Variants in VPS13C observed in about 807,000 individuals in gnomAD.
VPS13C encodes the protein intermembrane lipid transfer protein VPS13C.
VPS13C carries 358 observed loss-of-function variants against 456.8 expected under a neutral mutation model. The observed-to-expected ratio is 0.78, with a 90% CI of 0.72 to 0.86. VPS13C has a LOEUF of 0.86. Ranked by LOEUF, VPS13C falls within the 40% of genes least tolerant of loss-of-function variation. VPS13C has a pLI of 0.00. For synonymous variants in VPS13C, 1,578 were observed against 1,486.7 expected, an observed-to-expected ratio of 1.06 and a Z score of -1.41; for missense variants, 4,818 against 4,385.4, an observed-to-expected ratio of 1.10 and a Z score of -2.79.
intron 67 of VPS13C, among the ~76,000 whole-genome samples, chr15:61,886,722 C>G (rs199769822): frequency 6.6e-6 from 1 of 152,056 alleles, no homozygotes; most frequent in African/African-American, 2.4e-5. Context: ...TTAGAGAATA[C>G]TAAAATCTAT....
At chr15:61,963,605 A>G (rs978863339) in intron 32 of VPS13C, among the ~76,000 whole-genome samples, 1 of 152,094 alleles carries the variant, frequency 6.6e-6, no homozygotes, top group African/African-American at 2.4e-5. Flanking sequence ...CACTTCCTAG[A>G]TAACTCTCAG....
Position 61,961,784 on chromosome 15 carries a change from C to A in VPS13C, c.3713G>T (p.Arg1238Leu). 1.9e-6 allele frequency: 3 copies of A among 1,613,984 alleles called. No homozygotes were observed. Among genetic ancestry groups the A allele is most frequent in the African/African-American group, 1.3e-5 (1 of 74,998 alleles). The change falls in exon 35 of 85, where the codon CGT (arginine) becomes CTT (leucine). Residue 1238 changes from arginine (R) to leucine (L), a missense_variant. By Grantham distance (102) the Arg-to-Leu change is moderately radical (BLOSUM62 -2). Coordinates refer to ENST00000644861, the MANE Select transcript of VPS13C (RefSeq NM_020821.3). The part of the protein sequence containing the change: ...SVKDLAQRSF[R>L]VSINIDLKAP... Reference sequence around the variant, plus strand: ...TTTCAAATCAATATTGATGGAAACACGAAAACTCCTCTGGGCAAGATCTTT... The same window carrying A: ...TTTCAAATCAATATTGATGGAAACAAGAAAACTCCTCTGGGCAAGATCTTT...
At position 62,013,106 on chromosome 15, in the gene VPS13C, T is replaced by C; in HGVS notation, c.758A>G (p.Asp253Gly). 1 of 1,608,072 alleles carries C rather than the reference T, an allele frequency of 6.2e-7. No homozygotes were observed. Among genetic ancestry groups the C allele is most frequent in the Non-Finnish European group, 8.5e-7 (1 of 1,177,008 alleles). ...DKIIYKLIRL[D>G]SLSAYWNVNC... ...TACATTCCAGTAGGCGCTAAGACTA[T>C]CAAGTCGTATAAGCTATAAGAGAAA... The change falls in exon 11 of 85, where the codon GAT (aspartate) becomes GGT (glycine). Residue 253 changes from aspartate to glycine, a missense_variant. Asp to Gly is a moderately conservative substitution (Grantham distance 94). This residue lies in a region of VPS13C where 4,552 missense variants were observed against 4,130.6 expected (regional missense o/e 1.10). Coordinates refer to ENST00000644861, the MANE Select transcript of VPS13C (RefSeq NM_020821.3).
chr15:61,855,213 A>G (rs1262282081), intron 83 of VPS13C, among the ~76,000 whole-genome samples: 2 of 152,232 alleles, frequency 1.3e-5, no homozygotes, highest in Non-Finnish European at 2.9e-5. Context: ...TATGATAAAT[A>G]GCCTACAGAA....
chr15:61,933,809 AG>A lies in VPS13C; in HGVS notation c.5868+409del, dbSNP rs1394187479. On this transcript the variant is annotated intron_variant, in intron 49 of 84. Transcript: ENST00000644861. ...AAACACAATTAATGCTTATATACCA[AG>A]GATAATCATGAATTCAAAAATAATC... is the stretch of plus-strand genomic sequence containing the variant. 5.3e-5 allele frequency among the ~76,000 whole-genome samples: 8 copies of A among 152,206 alleles called. No individual in the cohort carries two copies. The East Asian group carries it at 1.5e-3, about 29-fold the overall frequency.
Position 61,878,698 on chromosome 15 carries a change from C to A in VPS13C, c.10051G>T (p.Glu3351Ter), listed in dbSNP as rs755567328. ...TGAACTGCAAACATTTCCTGTTTTT[C>A]TTTGTCTGATTCTTCACCTCCGGAA... Reference protein sequence around the residue: ...LGSGGEESDKEKQEMFAVHSV... With the variant: ...LGSGGEESDK Residue 3351 changes from glutamate to a stop codon, truncating the protein, a stop_gained, in exon 74 of 85, where the codon GAA becomes TAA. Transcript: ENST00000644861. LOFTEE classifies it high-confidence loss of function. 1 of 1,611,192 alleles carries A rather than the reference C, an allele frequency of 6.2e-7. No homozygotes were observed. The highest frequency in any genetic ancestry group is 1.7e-5 in the Admixed American group (1 of 59,626).
chr15:61,861,048 G>A (rs1300255612), intron 82 of VPS13C, among the ~76,000 whole-genome samples: 4 of 135,826 alleles, frequency 2.9e-5, no homozygotes, highest in African/African-American at 5.6e-5. Flanking sequence ...TGCAACCTTC[G>A]CCTCCCAGGT....
chr15:62,027,821 T>A (rs2047687011), intron 6 of VPS13C, among the ~76,000 whole-genome samples: 1 of 152,072 alleles, frequency 6.6e-6, no homozygotes, highest in African/African-American at 2.4e-5. Flanking sequence ...TAATTTGCCT[T>A]TTGCGAAGCT....
At chr15:62,009,444 T>C (rs1291463061) in intron 13 of VPS13C, among the ~76,000 whole-genome samples, 1 of 152,130 alleles carries the variant, frequency 6.6e-6, no homozygotes, top group African/African-American at 2.4e-5. Flanking sequence ...TTACCTACCA[T>C]GCGGCTGTTT....
At chr15:62,044,824 A>G (rs937403211) in intron 1 of VPS13C, among the ~76,000 whole-genome samples, 3 of 152,108 alleles carry the variant, frequency 2.0e-5, no homozygotes, top group African/African-American at 7.2e-5. Flanking sequence ...AATCTTAAAC[A>G]CTATCCCTGT....
chr15:61,872,000 TTTG>T lies in VPS13C; in HGVS notation c.10610_10612del (p.Thr3537del), dbSNP rs1165011573. ...TATTTTCAACATACCTTCCACAGGT[TTTG>T]TTATTATTCCAGTCACTCCACCAAC... On this transcript the variant is annotated inframe_deletion, in exon 79 of 85. Coordinates refer to ENST00000644861, the MANE Select transcript of VPS13C (RefSeq NM_020821.3). 4 of 1,612,502 alleles carry T rather than the reference TTTG, an allele frequency of 2.5e-6. No homozygotes were observed. The South Asian group carries it at 4.4e-5, about 18-fold the overall frequency.
At chr15:61,989,413 A>G (rs1425856656) in intron 18 of VPS13C, among the ~76,000 whole-genome samples, 1 of 152,036 alleles carries the variant, frequency 6.6e-6, no homozygotes, top group East Asian at 1.9e-4. Flanking sequence ...AAAAAAAAAC[A>G]GAGAATGAAA....
At position 61,910,312 on chromosome 15, in the gene VPS13C, A is replaced by G. The variant is rs760114350; in HGVS notation, c.8716-7T>C. The G allele has an allele frequency of 6.6e-7, 1 of 1,509,134 alleles. No individual in the cohort carries two copies. The highest frequency in any genetic ancestry group is 8.9e-7 in the Non-Finnish European group (1 of 1,122,330). The allele number at this position is 1,509,134 out of a possible 1,614,324, so 93.5% of individuals were successfully genotyped here. On this transcript the variant is annotated splice_polypyrimidine_tract_variant and splice_region_variant and intron_variant, in intron 63 of 84. Coordinates refer to ENST00000644861, the MANE Select transcript of VPS13C (RefSeq NM_020821.3). ...CTGGCCAAAATGGAAGGCACTAAAAATATAGAAGTTATTATCAGTCTTAAG... is the reference window on the plus strand; with the variant it reads ...CTGGCCAAAATGGAAGGCACTAAAAGTATAGAAGTTATTATCAGTCTTAAG...
chr15:61,997,053 C>T (rs1479475822), intron 16 of VPS13C, among the ~76,000 whole-genome samples: 3 of 149,986 alleles, frequency 2.0e-5, no homozygotes, highest in Non-Finnish European at 4.4e-5. Context: ...ATCAAGAGTG[C>T]AAAAGAAGAG....
chr15:61,977,498 G>A (rs1227800188), intron 23 of VPS13C, among the ~76,000 whole-genome samples: 1 of 151,788 alleles, frequency 6.6e-6, no homozygotes, highest in Admixed American at 6.6e-5. Context: ...CAAAGCCCAG[G>A]ATCTATTACC....
intron 9 of VPS13C, among the ~76,000 whole-genome samples, chr15:62,020,120 A>G (rs2047406447): frequency 6.6e-6 from 1 of 151,664 alleles, no homozygotes; most frequent in African/African-American, 2.4e-5. Flanking sequence ...ATACATAAAC[A>G]TATGCATATC....
In VPS13C at chr15:61,918,125, G is replaced by C; in HGVS notation, c.7760+11C>G. The C allele has an allele frequency of 6.4e-7, 1 of 1,568,342 alleles. No homozygotes were observed. Among genetic ancestry groups the C allele is most frequent in the Non-Finnish European group, 8.6e-7 (1 of 1,165,872 alleles). On this transcript the variant is annotated intron_variant, in intron 59 of 84. Transcript: ENST00000644861. ...TACATTTAAAGTTTAATACATTTAAGAAGTATCTACCTATATGAATCTAAA... is the reference window on the plus strand; with the variant it reads ...TACATTTAAAGTTTAATACATTTAACAAGTATCTACCTATATGAATCTAAA...
At chr15:61,918,328 A>C in intron 58 of VPS13C, 71 bp from the exon 59 acceptor site, 1 of 1,350,178 alleles carries the variant, frequency 7.4e-7, no homozygotes, top group South Asian at 1.6e-5. Context: ...AGAGCCACAA[A>C]CAAATACTTT....
At position 61,922,526 on chromosome 15, in the gene VPS13C, G is replaced by A. The variant is rs1444475576; in HGVS notation, c.6846C>T (p.Ser2282=). Residue 2282 remains serine (S), a synonymous_variant, in exon 54 of 85, where the codon TCC becomes TCT. Coordinates refer to ENST00000644861, the MANE Select transcript of VPS13C (RefSeq NM_020821.3). The part of the protein sequence containing the change: ...IEENCGVVVE[S]IQVTLECGLG... ...GGCCACATTCTAAGGTAACTTGAATGGATTCTACAACAACACCACAATTTT... is the reference window on the plus strand; with the variant it reads ...GGCCACATTCTAAGGTAACTTGAATAGATTCTACAACAACACCACAATTTT... 6.2e-7 allele frequency: 1 copy of A among 1,614,032 alleles called. No homozygotes were observed.
Sources: allele counts gnomAD v4.1 joint callset (sites outside exome capture counted in the v4.1 genomes callset), GRCh38; gene constraint gnomAD v4.1.1; regional missense constraint gnomAD v4.1.1; transcripts MANE v1.5; gene names NCBI Gene and HGNC (gene_info 2026-07-23, HGNC 2026-07-21).